The following LMX1A variants were observed in gnomAD, a reference collection of about 807,000 sequenced individuals.
LMX1A encodes LIM homeobox transcription factor 1 alpha.
LMX1A carries 15 observed loss-of-function variants against 49.1 expected under a neutral mutation model. The observed-to-expected ratio is 0.31, with a 90% CI of 0.20 to 0.47. LMX1A has a LOEUF of 0.47. LMX1A is among the 20% of genes least tolerant of loss of function. LMX1A has a pLI of 1.00. For missense variants in LMX1A, 372 were observed against 475.8 expected, an observed-to-expected ratio of 0.78 and a Z score of 2.03; for synonymous variants, 167 against 185.7, an observed-to-expected ratio of 0.90 and a Z score of 0.82.
chr1:165,221,630 C>T (rs1651847981), intron 4 of LMX1A, among the ~76,000 whole-genome samples: 1 of 152,168 alleles, frequency 6.6e-6, no homozygotes, highest in Non-Finnish European at 1.5e-5. Flanking sequence ...AGGTCAGAGG[C>T]AGGGCACTTC....
intron 6 of LMX1A, among the ~76,000 whole-genome samples, chr1:165,209,783 T>G (rs1239978420): frequency 6.6e-6 from 1 of 152,234 alleles, no homozygotes; most frequent in African/African-American, 2.4e-5. Context: ...CTCTGCAAAT[T>G]AATCAAATCC....
chr1:165,309,623 G>A (rs368615940), intron 3 of LMX1A, among the ~76,000 whole-genome samples: 3 of 152,162 alleles, frequency 2.0e-5, no homozygotes, highest in Admixed American at 2.0e-4. Flanking sequence ...GGGGTAATTT[G>A]TACTCCCCAC....
chr1:165,252,230 G>A (rs562474952), intron 3 of LMX1A, among the ~76,000 whole-genome samples: 1 of 152,156 alleles, frequency 6.6e-6, no homozygotes, highest in South Asian at 2.1e-4. Flanking sequence ...TTGACTCATG[G>A]ATCTAATTTG....
At chr1:165,211,101 A>G (rs2298218) in intron 5 of LMX1A, 18,648 of 207,406 alleles carry the variant, frequency 0.09, 900 homozygotes, top group South Asian at 0.14. Flanking sequence ...GCTATAAGCC[A>G]TGCATATGCA....
intron 3 of LMX1A, among the ~76,000 whole-genome samples, chr1:165,253,752 G>A (rs1004417763): frequency 6.6e-6 from 1 of 152,138 alleles, no homozygotes; most frequent in African/African-American, 2.4e-5. Flanking sequence ...GTGAAATTGG[G>A]GGATAGTCCA....
chr1:165,324,300 C>A (rs1050476045), intron 3 of LMX1A, among the ~76,000 whole-genome samples: 1 of 152,184 alleles, frequency 6.6e-6, no homozygotes, highest in African/African-American at 2.4e-5. Context: ...GTCAAAACCA[C>A]CTTCCACCAG....
intron 3 of LMX1A, among the ~76,000 whole-genome samples, chr1:165,337,886 T>G (rs3045124): frequency 4.8e-4 from 10 of 20,782 alleles, no homozygotes; most frequent in African/African-American, 1.0e-3. Context: ...GTGTGTGTGT[T>G]TCTGTGTGTG....
chr1:165,341,876 A>G (rs772087613), intron 3 of LMX1A, among the ~76,000 whole-genome samples: 2 of 152,234 alleles, frequency 1.3e-5, no homozygotes, highest in African/African-American at 2.4e-5. Context: ...TGAATGAATG[A>G]GTGATTTAAT....
At chr1:165,225,813 GA>G (rs1193351442) in intron 4 of LMX1A, among the ~76,000 whole-genome samples, 4 of 152,196 alleles carry the variant, frequency 2.6e-5, no homozygotes, top group Admixed American at 6.5e-5. Flanking sequence ...CACTGATCCA[GA>G]ATGTTTCTAC....
chr1:165,212,093 A>C (rs1396530764), intron 5 of LMX1A, among the ~76,000 whole-genome samples: 1 of 152,242 alleles, frequency 6.6e-6, no homozygotes, highest in Non-Finnish European at 1.5e-5. Flanking sequence ...TTGGAGCATA[A>C]GGAGCTGCAA....
intron 3 of LMX1A, among the ~76,000 whole-genome samples, chr1:165,303,385 T>G (rs746638949): frequency 3.1e-4 from 47 of 152,230 alleles, no homozygotes; most frequent in Non-Finnish European, 2.6e-4. Context: ...CCCAATGTGC[T>G]GGGGGCTGGG....
intron 3 of LMX1A, among the ~76,000 whole-genome samples, chr1:165,272,711 A>C (rs2101697191): frequency 6.6e-6 from 1 of 152,056 alleles, no homozygotes; most frequent in South Asian, 2.1e-4. Flanking sequence ...CCACAGAGAA[A>C]CCCAGCAGCT....
rs1190905026 is a variant in LMX1A, at chr1:165,355,927, C to A, written c.-22-346G>T. The A allele has an allele frequency of 3.8e-6, 1 of 263,652 alleles. No homozygotes were observed. The highest frequency in any genetic ancestry group is 7.3e-6 in the Non-Finnish European group (1 of 137,364). 16.3% of individuals were successfully genotyped at this position (263,652 alleles called of 1,614,324 possible). On this transcript the variant is annotated intron_variant, in intron 1 of 8. Transcript: ENST00000342310. This position sits in a 1 kb window ranked among gnomAD's most constrained non-coding sequence, Gnocchi z 4.7. The stretch of plus-strand genomic sequence containing the variant: ...CCCAACCTATACGAAGGTGGGCCCT[C>A]GGGACGTCTCTGCAGGAACGCAGCT...
At chr1:165,206,121 T>C (rs937622292) in intron 7 of LMX1A, 87 bp from the exon 8 acceptor site, 5 of 1,275,818 alleles carry the variant, frequency 3.9e-6, no homozygotes, top group Non-Finnish European at 5.4e-6. Flanking sequence ...ATTTATAAAA[T>C]AAAATGGGAT....
chr1:165,270,797 C>T (rs1653770189), intron 3 of LMX1A, among the ~76,000 whole-genome samples: 1 of 152,144 alleles, frequency 6.6e-6, no homozygotes, highest in Non-Finnish European at 1.5e-5. Flanking sequence ...AGGACCAGCA[C>T]ACAGGACAGA....
chr1:165,294,824 T>C (rs1654571181), intron 3 of LMX1A, among the ~76,000 whole-genome samples: 1 of 152,074 alleles, frequency 6.6e-6, no homozygotes, highest in Non-Finnish European at 1.5e-5. Context: ...ATTATCCAGA[T>C]GTGGTGGCAC....
chr1:165,304,843 G>A (rs1654878072), intron 3 of LMX1A, among the ~76,000 whole-genome samples: 1 of 152,128 alleles, frequency 6.6e-6, no homozygotes, highest in Admixed American at 6.5e-5. Context: ...CCATCAGCCT[G>A]GAAAACTTCC....
At chr1:165,251,163 A>C (rs1166114962) in intron 3 of LMX1A, among the ~76,000 whole-genome samples, 2 of 151,450 alleles carry the variant, frequency 1.3e-5, no homozygotes, top group African/African-American at 2.4e-5. Flanking sequence ...GCTCACTGCA[A>C]TGTCTGCCTC....
intron 3 of LMX1A, among the ~76,000 whole-genome samples, chr1:165,268,117 G>T (rs566584747): frequency 6.6e-6 from 1 of 152,164 alleles, no homozygotes; most frequent in Non-Finnish European, 1.5e-5. Flanking sequence ...GGGGAACTAG[G>T]GCACTTGTGG....
Sources: allele counts gnomAD v4.1 joint callset (sites outside exome capture counted in the v4.1 genomes callset), GRCh38; gene constraint gnomAD v4.1.1; non-coding constraint Gnocchi (gnomAD v3.1); transcripts MANE v1.5; gene names NCBI Gene and HGNC (gene_info 2026-07-23, HGNC 2026-07-21).